IL1RAPL2: variants seen among roughly 807,000 people sequenced by gnomAD.
IL1RAPL2 encodes the protein X-linked interleukin-1 receptor accessory protein-like 2.
Under a neutral mutation model 44.1 loss-of-function variants are expected in IL1RAPL2, and 3 were observed. The observed-to-expected ratio is 0.07, with a 90% CI of 0.03 to 0.18. The LOEUF (loss-of-function observed/expected upper bound fraction) is 0.18. IL1RAPL2 is among the 10% of genes least tolerant of loss of function. The pLI is 1.00. For missense variants in IL1RAPL2, 391 were observed against 496.4 expected, an observed-to-expected ratio of 0.79 and a Z score of 2.02; for synonymous variants, 181 against 178.8, an observed-to-expected ratio of 1.01 and a Z score of -0.10.
At chrX:104,847,676 G>C (rs1369679466) in intron 2 of IL1RAPL2, among the ~76,000 whole-genome samples, 1 of 111,617 alleles carries the variant, frequency 9.0e-6, no homozygotes, top group African/African-American at 3.3e-5. Context: ...GGAAATGCGG[G>C]TTCTTTTTTG....
chrX:105,549,617 G>T (rs2036835496), intron 6 of IL1RAPL2, among the ~76,000 whole-genome samples: 1 of 111,462 alleles, frequency 9.0e-6, no homozygotes, highest in South Asian at 3.8e-4. Context: ...TATGAAATGT[G>T]CTGATGAGCC....
At chrX:105,571,855 C>A (rs1206499211) in intron 6 of IL1RAPL2, among the ~76,000 whole-genome samples, 1 of 109,862 alleles carries the variant, frequency 9.1e-6, no homozygotes, top group African/African-American at 3.3e-5. Context: ...GTAGGGGAGG[C>A]CTGGAAGAGG....
chrX:104,798,644 T>C lies in IL1RAPL2; in HGVS notation c.82+139649T>C, dbSNP rs766046307. On this transcript the variant is annotated intron_variant, in intron 2 of 10. Coordinates refer to ENST00000372582, the MANE Select transcript of IL1RAPL2 (RefSeq NM_017416.2). ...TCGTGCCACTGCACTCCAGCCTGGG[T>C]GACAGAGAGAGACTCCGTCTCAAAA... Among the ~76,000 whole-genome samples the C allele has an allele frequency of 7.0e-3, 780 of 110,909 alleles. 7 individuals are homozygous for C. Among genetic ancestry groups the C allele is most frequent in the Non-Finnish European group, 0.012 (611 of 52,832 alleles).
intron 2 of IL1RAPL2, among the ~76,000 whole-genome samples, chrX:104,924,966 A>G (rs1924737218): frequency 9.0e-6 from 1 of 110,775 alleles, no homozygotes; most frequent in African/African-American, 3.3e-5. Context: ...TTTAACCAAG[A>G]TTCAAACAAG....
intron 6 of IL1RAPL2, among the ~76,000 whole-genome samples, chrX:105,541,602 T>G (rs2036735973): frequency 9.0e-6 from 1 of 110,586 alleles, no homozygotes; most frequent in Non-Finnish European, 1.9e-5. Flanking sequence ...TGTAAGAGAT[T>G]ATCAAATCCT....
chrX:104,650,577 T>G lies in IL1RAPL2; in HGVS notation c.-19-8318T>G, dbSNP rs930237560. 3.6e-5 allele frequency among the ~76,000 whole-genome samples: 4 copies of G among 110,904 alleles called. No homozygotes were observed. The Admixed American group carries it at 3.9e-4, about 11-fold the overall frequency. ...GGCCTTTCTCTTTGACTATTTGAATTGAGGCAGTTTGACAGATTTTCCCTT... is the reference window on the plus strand; with the variant it reads ...GGCCTTTCTCTTTGACTATTTGAATGGAGGCAGTTTGACAGATTTTCCCTT... On this transcript the variant is annotated intron_variant, in intron 1 of 10. Transcript: ENST00000372582.
intron 6 of IL1RAPL2, among the ~76,000 whole-genome samples, chrX:105,590,861 G>T (rs1450656774): frequency 2.0e-5 from 2 of 98,432 alleles, no homozygotes; most frequent in South Asian, 5.0e-4. Context: ...GTGTGTGTTT[G>T]TGTGTGTGTG....
intron 2 of IL1RAPL2, among the ~76,000 whole-genome samples, chrX:105,157,036 A>G (rs554535626): frequency 1.9e-5 from 2 of 104,935 alleles, no homozygotes; most frequent in East Asian, 5.9e-4. Flanking sequence ...TCTCCCATCT[A>G]TAAAGCAAGA....
chrX:105,440,835 T>G (rs2035915383), intron 5 of IL1RAPL2, among the ~76,000 whole-genome samples: 1 of 111,133 alleles, frequency 9.0e-6, no homozygotes, highest in Non-Finnish European at 1.9e-5. Flanking sequence ...TGGGGGGTGG[T>G]TTCCCCCATA....
Position 104,582,656 on chromosome X carries a change from CT to C in IL1RAPL2, c.-20+15613del, listed in dbSNP as rs1166851253. ...TCTTTCTTTCTCTCTTTCTTTCTTT[CT>C]TTTTTTTCTTTTTTCTTTCTCTTTC... On this transcript the variant is annotated intron_variant, in intron 1 of 10. Transcript: ENST00000372582. Among the ~76,000 whole-genome samples the C allele has an allele frequency of 5.0e-3, 286 of 56,775 alleles. 2 individuals carry two copies. The highest frequency in any genetic ancestry group is 0.012 in the African/African-American group (174 of 14,449). The allele number at this position is 56,775 out of a possible 115,157, so 49.3% of individuals were successfully genotyped here.
chrX:105,213,415 A>G (rs2033824419), intron 3 of IL1RAPL2, among the ~76,000 whole-genome samples: 2 of 109,146 alleles, frequency 1.8e-5, no homozygotes, highest in Admixed American at 2.0e-4. Flanking sequence ...AGGCATGAAG[A>G]CAAGATTAGA....
At chrX:104,793,536 G>T (rs1334618370) in intron 2 of IL1RAPL2, among the ~76,000 whole-genome samples, 1 of 111,917 alleles carries the variant, frequency 8.9e-6, no homozygotes, top group Non-Finnish European at 1.9e-5. Flanking sequence ...TGATAATTGG[G>T]TTGTATTTGC....
At chrX:104,997,149 A>G (rs1476081412) in intron 2 of IL1RAPL2, among the ~76,000 whole-genome samples, 2 of 111,779 alleles carry the variant, frequency 1.8e-5, no homozygotes, top group African/African-American at 6.5e-5. Flanking sequence ...CCAATATGGT[A>G]GCAACTATTC....
chrX:104,817,251 T>C (rs758861269), intron 2 of IL1RAPL2, among the ~76,000 whole-genome samples: 2 of 112,515 alleles, frequency 1.8e-5, no homozygotes, highest in South Asian at 7.3e-4. Flanking sequence ...CCAAACAAGG[T>C]AGGCCAGATA....
At chrX:105,615,658 G>T (rs1259946492) in intron 6 of IL1RAPL2, among the ~76,000 whole-genome samples, 1 of 111,951 alleles carries the variant, frequency 8.9e-6, no homozygotes, top group Non-Finnish European at 1.9e-5. Flanking sequence ...GAGCTAGAGG[G>T]TGGAAGGATG....
intron 2 of IL1RAPL2, among the ~76,000 whole-genome samples, chrX:104,724,561 A>G (rs1252587828): frequency 1.8e-5 from 2 of 111,652 alleles, no homozygotes; most frequent in Non-Finnish European, 1.9e-5. Flanking sequence ...TAAGAAACTC[A>G]GCAAACATCA....
chrX:104,585,292 T>TAATA (rs1928506770), intron 1 of IL1RAPL2, among the ~76,000 whole-genome samples: 6 of 13,031 alleles, frequency 4.6e-4, no homozygotes, highest in Non-Finnish European at 6.4e-4. Flanking sequence ...ATATAATATA[T>TAATA]TATATATTAT....
chrX:105,630,481 T>C (rs903021916), intron 6 of IL1RAPL2, among the ~76,000 whole-genome samples: 12 of 105,372 alleles, frequency 1.1e-4, no homozygotes, highest in Non-Finnish European at 2.3e-4. Context: ...ATTGAGTCTG[T>C]CTGGCTTCAA....
chrX:104,645,579 A>C (rs1930020215), intron 1 of IL1RAPL2, among the ~76,000 whole-genome samples: 1 of 112,052 alleles, frequency 8.9e-6, no homozygotes, highest in African/African-American at 3.2e-5. Context: ...CTTTCTCATA[A>C]ACATGAGTTT....
Sources: allele counts gnomAD v4.1 joint callset (sites outside exome capture counted in the v4.1 genomes callset), GRCh38; gene constraint gnomAD v4.1.1; transcripts MANE v1.5; gene names NCBI Gene and HGNC (gene_info 2026-07-23, HGNC 2026-07-21).